GAD1: variants seen among roughly 807,000 people sequenced by gnomAD.
GAD1 encodes the protein 67 kDa glutamic acid decarboxylase.
In GAD1, 35 loss-of-function variants were observed where a neutral mutation model predicts 75.2. The ratio of observed to expected loss-of-function variants is 0.47; its 90% CI spans 0.36 to 0.62. The LOEUF (loss-of-function observed/expected upper bound fraction) is 0.62. Among genes scored for constraint, GAD1 ranks in the 20% least tolerant of loss-of-function variants. The probability of loss-of-function intolerance (pLI) is 0.00; values close to 1 mark genes in which losing one functional copy is unlikely to be tolerated. For missense variants in GAD1, 490 were observed against 758.5 expected, an observed-to-expected ratio of 0.65 and a Z score of 4.16; for synonymous variants, 257 against 271.9, an observed-to-expected ratio of 0.95 and a Z score of 0.54.
In GAD1 at chr2:170,845,999, A is replaced by C; in HGVS notation, c.948-10A>C. 3.7e-6 allele frequency: 6 copies of C among 1,612,438 alleles called. No homozygotes were observed. The highest frequency in any genetic ancestry group is 4.2e-6 in the Non-Finnish European group (5 of 1,178,510). On this transcript the variant is annotated splice_polypyrimidine_tract_variant and intron_variant, in intron 9 of 16. Coordinates refer to ENST00000358196, the MANE Select transcript of GAD1 (RefSeq NM_000817.3). ...TCATTTTAATTTCCCTCCTTTTCCA[A>C]TAATTATAGGGGGAAAATAATTCCA...
intron 4 of GAD1, 113 bp from the exon 5 acceptor site, chr2:170,830,837 C>T (rs1702202347): frequency 2.2e-6 from 3 of 1,350,056 alleles, no homozygotes; most frequent in Non-Finnish European, 1.0e-6. Context: ...ACATACATAT[C>T]CCAGAATGAA....
chr2:170,831,272 T>C (rs1203446519), intron 5 of GAD1, 80 bp downstream of exon 5: 3 of 1,501,740 alleles, frequency 2.0e-6, no homozygotes, highest in Non-Finnish European at 2.8e-6. Context: ...GATATCAAAC[T>C]TGTGTTGGAA....
At chr2:170,824,221 G>T (rs1373670196) in intron 3 of GAD1, among the ~76,000 whole-genome samples, 1 of 152,202 alleles carries the variant, frequency 6.6e-6, no homozygotes, top group Non-Finnish European at 1.5e-5. Context: ...TGGGGCCACA[G>T]GTTAGGAGGC....
At chr2:170,842,892 C>A in intron 6 of GAD1, 1 of 589,958 alleles carries the variant, frequency 1.7e-6, no homozygotes, top group East Asian at 3.5e-5. Context: ...CTCATCCTTA[C>A]AAATAGCTTT....
intron 3 of GAD1, among the ~76,000 whole-genome samples, chr2:170,823,166 G>C (rs556393598): frequency 6.6e-6 from 1 of 152,282 alleles, no homozygotes; most frequent in Non-Finnish European, 1.5e-5. Flanking sequence ...ATTAACGGGC[G>C]GCTTATTAAA....
At position 170,836,792 on chromosome 2, in the gene GAD1, G is replaced by A; in HGVS notation, c.548-1G>A. 1 of 1,611,222 alleles carries A rather than the reference G, an allele frequency of 6.2e-7. No individual in the cohort carries two copies. Among genetic ancestry groups the A allele is most frequent in the Non-Finnish European group, 8.5e-7 (1 of 1,177,342 alleles). Reference sequence around the variant, plus strand: ...TTGATGCTTTTCTGTTTCCTATCTAGGTCATCCTCGATTTTTCAACCAGCT... The same window carrying A: ...TTGATGCTTTTCTGTTTCCTATCTAAGTCATCCTCGATTTTTCAACCAGCT... On this transcript the variant is annotated splice_acceptor_variant, in intron 5 of 16. Transcript: ENST00000358196. LOFTEE classifies it high-confidence loss of function.
At position 170,844,155 on chromosome 2, in the gene GAD1, C is replaced by G; in HGVS notation, c.749C>G (p.Pro250Arg). 1 of 1,515,392 alleles carries G rather than the reference C, an allele frequency of 6.6e-7. No individual in the cohort carries two copies. Among genetic ancestry groups the G allele is most frequent in the Non-Finnish European group, 9.2e-7 (1 of 1,090,206 alleles). 93.9% of individuals were successfully genotyped at this position (1,515,392 alleles called of 1,614,324 possible). ...SSKDGDGIFS[P>R]GGAISNMYSI... The stretch of plus-strand genomic sequence containing the variant: ...AAAGATGGTGATGGGATATTTTCTC[C>G]TGGTAGGTTTCTCTTCTCTTCCTCT... The change falls in exon 7 of 17, where the codon CCT becomes CGT. Residue 250 changes from proline (P) to arginine (R), a missense_variant and splice_region_variant. Pro to Arg is a moderately radical substitution (Grantham distance 103, BLOSUM62 -2). Coordinates refer to ENST00000358196, the MANE Select transcript of GAD1 (RefSeq NM_000817.3).
At chr2:170,834,451 TAAAAG>T (rs3838551) in intron 5 of GAD1, among the ~76,000 whole-genome samples, 34,416 of 152,036 alleles carry the variant, frequency 0.23, 4,037 homozygotes, top group South Asian at 0.34. Context: ...TATAAATTAA[TAAAAG>T]ACTTCTTTTA....
At chr2:170,834,872 C>T (rs907262435) in intron 5 of GAD1, among the ~76,000 whole-genome samples, 3 of 150,986 alleles carry the variant, frequency 2.0e-5, no homozygotes, top group East Asian at 2.0e-4. Context: ...TGGGTTCAAG[C>T]GATTCCCCTG....
intron 3 of GAD1, among the ~76,000 whole-genome samples, chr2:170,822,396 A>ACGC (rs1701910588): frequency 6.6e-6 from 1 of 151,986 alleles, no homozygotes; most frequent in South Asian, 2.1e-4. Context: ...AGTGGAGCGA[A>ACGC]CGCCGGGTGC....
chr2:170,853,175 G>A lies in GAD1; in HGVS notation c.1263+383G>A. The A allele has an allele frequency of 7.0e-6, 2 of 286,612 alleles. No homozygotes were observed. Among genetic ancestry groups the A allele is most frequent in the South Asian group, 8.7e-5 (2 of 23,100 alleles). 17.8% of individuals were successfully genotyped at this position (286,612 alleles called of 1,614,324 possible). A position where few individuals can be genotyped will look rare whatever the true frequency, so the allele number is the denominator to read the frequency against. ...TACTCGGAGTTCTTAGTATAAACGT[G>A]TGGTCCCAAGAACTGAAATAAATGA... is the stretch of plus-strand genomic sequence containing the variant. On this transcript the variant is annotated intron_variant, in intron 13 of 16. Coordinates refer to ENST00000358196, the MANE Select transcript of GAD1 (RefSeq NM_000817.3). The surrounding 1 kb of genome is among the most constrained non-coding windows in gnomAD (Gnocchi z 4.1).
chr2:170,855,253 G>A (rs1045870003), intron 14 of GAD1, among the ~76,000 whole-genome samples: 2 of 147,216 alleles, frequency 1.4e-5, no homozygotes, highest in African/African-American at 5.0e-5. Context: ...CTGTTGCCCA[G>A]GCTGGAGTTC....
intron 12 of GAD1, among the ~76,000 whole-genome samples, chr2:170,851,024 G>GA (rs141694452): frequency 0.017 from 2,487 of 144,366 alleles, 64 homozygotes; most frequent in African/African-American, 0.059. Context: ...AAAAAAAAAA[G>GA]AAAAAAAAAA....
In GAD1 at chr2:170,818,892, C is replaced by G. The variant is rs753890187; in HGVS notation, c.82+219C>G. ...CGGAAAGCGAGGACCACGCAAGGTC[C>G]GAGCAGCGGCGATCGTTGAGGGCTT... On this transcript the variant is annotated intron_variant, in intron 2 of 16. Coordinates refer to ENST00000358196, the MANE Select transcript of GAD1 (RefSeq NM_000817.3). This position sits in a 1 kb window ranked among gnomAD's most constrained non-coding sequence, Gnocchi z 5.9. Among the ~76,000 whole-genome samples the G allele has an allele frequency of 6.6e-6, 1 of 152,146 alleles. No homozygotes were observed. Among genetic ancestry groups the G allele is most frequent in the Non-Finnish European group, 1.5e-5 (1 of 68,030 alleles).
chr2:170,814,779 G>T (rs185649600), upstream of GAD1, among the ~76,000 whole-genome samples: 10 of 152,282 alleles, frequency 6.6e-5, no homozygotes, highest in East Asian at 3.9e-4. Context: ...TTCAGCTTGC[G>T]TTACCTAGCC....
In GAD1 at chr2:170,861,119, T is replaced by A. The variant is rs1160390149; in HGVS notation, c.*1237T>A. 2 of 152,622 alleles carry A rather than the reference T, an allele frequency of 1.3e-5. No individual in the cohort carries two copies. The highest frequency in any genetic ancestry group is 4.8e-5 in the African/African-American group (2 of 41,450). The allele number at this position is 152,622 out of a possible 1,614,324, so 9.5% of individuals were successfully genotyped here. A position where few individuals can be genotyped will look rare whatever the true frequency, so the allele number is the denominator to read the frequency against. On this transcript the variant is annotated 3_prime_UTR_variant, in exon 17 of 17. Transcript: ENST00000358196. ...AGTATGCAAGAAGAATATAAATAAATAAAAATATTCTCCATGGAGAATTTG... is the reference window on the plus strand; with the variant it reads ...AGTATGCAAGAAGAATATAAATAAAAAAAAATATTCTCCATGGAGAATTTG...
chr2:170,845,893 C>G, intron 9 of GAD1, 108 bp downstream of exon 9: 1 of 1,448,462 alleles, frequency 6.9e-7, no homozygotes, highest in Non-Finnish European at 9.7e-7. Flanking sequence ...TGCCAAGCTG[C>G]TAATGGTCTG....
intron 1 of GAD1, chr2:170,817,491 G>C (rs972073390): frequency 6.6e-6 from 1 of 152,410 alleles, no homozygotes; most frequent in African/African-American, 2.4e-5. Flanking sequence ...CGCGGGGCTA[G>C]GAGTGAGGTC....
rs137939075 is a variant in GAD1 at position 170,843,179 on chromosome 2, C to T, written c.639-866C>T. Among the ~76,000 whole-genome samples, 103 of 152,250 alleles carry T rather than the reference C, an allele frequency of 6.8e-4. 1 individual carries two copies. The highest frequency in any genetic ancestry group is 1.1e-3 in the Non-Finnish European group (75 of 68,010). The stretch of plus-strand genomic sequence containing the variant: ...GACCTTCCTTGATTTTTCTTAGGCC[C>T]CACGTTTGGTCTCACGATCTTGTTT... On this transcript the variant is annotated intron_variant, in intron 6 of 16. Coordinates refer to ENST00000358196, the MANE Select transcript of GAD1 (RefSeq NM_000817.3).
Sources: gnomAD v4.1 joint callset for allele counts (sites outside exome capture counted in the v4.1 genomes callset) on GRCh38, gnomAD v4.1.1 for gene constraint, Gnocchi (gnomAD v3.1) non-coding constraint, MANE v1.5 for transcripts, NCBI Gene and HGNC (gene_info 2026-07-23, HGNC 2026-07-21) for gene names.